The following ERBB4 variants were observed in gnomAD, a reference collection of about 807,000 sequenced individuals.
The protein encoded by ERBB4 is erb-b2 receptor tyrosine kinase 4.
In ERBB4, 42 loss-of-function variants were observed where a neutral mutation model predicts 158.0. The observed-to-expected ratio is 0.27, with a 90% CI of 0.21 to 0.34. The LOEUF (loss-of-function observed/expected upper bound fraction) is 0.34. Ranked by LOEUF, ERBB4 falls within the 10% of genes least tolerant of loss-of-function variation. ERBB4 has a pLI of 1.00. For synonymous variants in ERBB4, 583 were observed against 558.7 expected, an observed-to-expected ratio of 1.04 and a Z score of -0.61; for missense variants, 1,333 against 1,624.1, an observed-to-expected ratio of 0.82 and a Z score of 3.08.
At chr2:212,055,335 G>A (rs1022530325) in intron 2 of ERBB4, among the ~76,000 whole-genome samples, 6 of 152,216 alleles carry the variant, frequency 3.9e-5, no homozygotes, top group African/African-American at 7.2e-5. Context: ...ACAGCTGAAT[G>A]AGGCCTCCGT....
intron 19 of ERBB4, among the ~76,000 whole-genome samples, chr2:211,585,901 G>GA (rs949905294): frequency 6.6e-6 from 1 of 152,046 alleles, no homozygotes; most frequent in African/African-American, 2.4e-5. Flanking sequence ...AATCTTTGAA[G>GA]AAAATAATTA....
At chr2:212,181,231 TTATATTAATC>T (rs1344234677) in intron 1 of ERBB4, among the ~76,000 whole-genome samples, 1 of 151,734 alleles carries the variant, frequency 6.6e-6, no homozygotes, top group Non-Finnish European at 1.5e-5. Flanking sequence ...AACCTTGGTT[TTATATTAATC>T]TTTTCTATTT....
intron 1 of ERBB4, among the ~76,000 whole-genome samples, chr2:212,427,567 A>T (rs1345679494): frequency 2.6e-5 from 4 of 152,162 alleles, no homozygotes; most frequent in Admixed American, 6.6e-5. Context: ...TGGGAAAAAC[A>T]CAATAAAAAT....
chr2:212,319,348 G>A (rs141788834), intron 1 of ERBB4, among the ~76,000 whole-genome samples: 1 of 143,984 alleles, frequency 6.9e-6, no homozygotes, highest in South Asian at 2.3e-4. Flanking sequence ...CCTGGGTTTA[G>A]TTTAACTGTT....
At chr2:211,462,971 GT>G (rs1475726338) in intron 20 of ERBB4, among the ~76,000 whole-genome samples, 1 of 152,104 alleles carries the variant, frequency 6.6e-6, no homozygotes, top group Non-Finnish European at 1.5e-5. Flanking sequence ...AAAGCAGTTT[GT>G]TGCTCTTTAG....
chr2:211,949,413 AG>A (rs1255087833), intron 2 of ERBB4, among the ~76,000 whole-genome samples: 2 of 152,220 alleles, frequency 1.3e-5, no homozygotes, highest in Non-Finnish European at 2.9e-5. Context: ...ACTGAAGTGT[AG>A]CTGGCATAAA....
chr2:212,382,437 T>C (rs2090536124), intron 1 of ERBB4, among the ~76,000 whole-genome samples: 2 of 150,974 alleles, frequency 1.3e-5, no homozygotes, highest in Admixed American at 6.6e-5. Context: ...CTTTATAATA[T>C]GACAATATGT....
At chr2:211,637,102 C>A (rs1398129060) in intron 16 of ERBB4, among the ~76,000 whole-genome samples, 1 of 151,858 alleles carries the variant, frequency 6.6e-6, no homozygotes, top group South Asian at 2.1e-4. Flanking sequence ...AATTAGGTAA[C>A]ATTGGCCATC....
intron 2 of ERBB4, among the ~76,000 whole-genome samples, chr2:211,984,966 C>A (rs1030942): frequency 0.68 from 103,492 of 151,990 alleles, 38,579 homozygotes; most frequent in Non-Finnish European, 0.85. Context: ...TCCTGACCTC[C>A]GGTGATCCAC....
intron 16 of ERBB4, among the ~76,000 whole-genome samples, chr2:211,644,421 A>C (rs1313377952): frequency 6.6e-6 from 1 of 150,758 alleles, no homozygotes; most frequent in Non-Finnish European, 1.5e-5. Context: ...AGATGCTCTG[A>C]ATACAGATTC....
intron 16 of ERBB4, among the ~76,000 whole-genome samples, chr2:211,656,526 A>G (rs769233739): frequency 1.2e-4 from 19 of 152,226 alleles, no homozygotes; most frequent in Admixed American, 5.2e-4. Flanking sequence ...TAAAACATAC[A>G]GTTCTATAAT....
At chr2:211,739,681 G>T (rs986739262) in intron 5 of ERBB4, among the ~76,000 whole-genome samples, 7 of 152,256 alleles carry the variant, frequency 4.6e-5, no homozygotes, top group African/African-American at 1.4e-4. Flanking sequence ...ATTTTGACCA[G>T]GATGGTCTCG....
At chr2:211,424,717 T>C (rs149580523) in intron 22 of ERBB4, among the ~76,000 whole-genome samples, 1,630 of 152,254 alleles carry the variant, frequency 0.011, 28 homozygotes, top group African/African-American at 0.036. Flanking sequence ...TATTGACTAA[T>C]TTTAAGATCA....
At chr2:212,295,638 A>T (rs536273874) in intron 1 of ERBB4, among the ~76,000 whole-genome samples, 1 of 152,152 alleles carries the variant, frequency 6.6e-6, no homozygotes, top group African/African-American at 2.4e-5. Context: ...GTTGCTTACT[A>T]GTTCTATGGT....
chr2:211,759,960 T>A (rs2075369980), intron 4 of ERBB4, among the ~76,000 whole-genome samples: 1 of 152,172 alleles, frequency 6.6e-6, no homozygotes, highest in African/African-American at 2.4e-5. Context: ...CTTTGGTAGA[T>A]TTACCTTCCG....
At chr2:211,433,836 C>A (rs763215402) in intron 20 of ERBB4, among the ~76,000 whole-genome samples, 23 of 152,154 alleles carry the variant, frequency 1.5e-4, no homozygotes, top group South Asian at 6.2e-4. Flanking sequence ...TAGCTGAGAC[C>A]AACTGTACCC....
chr2:212,276,371 G>A (rs2085536140), intron 1 of ERBB4, among the ~76,000 whole-genome samples: 2 of 151,700 alleles, frequency 1.3e-5, no homozygotes, highest in Admixed American at 6.6e-5. Flanking sequence ...TAAACCCAGG[G>A]CTGTGAACTG....
At chr2:212,028,897 G>A (rs1347690450) in intron 2 of ERBB4, among the ~76,000 whole-genome samples, 1 of 152,074 alleles carries the variant, frequency 6.6e-6, no homozygotes, top group Non-Finnish European at 1.5e-5. Context: ...TAGAGTTAGT[G>A]AAGTAGGAGG....
At chr2:212,470,542 A>T (rs73063145) in intron 1 of ERBB4, among the ~76,000 whole-genome samples, 5,683 of 152,226 alleles carry the variant, frequency 0.037, 369 homozygotes, top group African/African-American at 0.13. Context: ...GGCAAAGTTA[A>T]GAAGATATGA....
Sources: allele counts gnomAD v4.1 joint callset (sites outside exome capture counted in the v4.1 genomes callset), GRCh38; gene constraint gnomAD v4.1.1; transcripts MANE v1.5; gene names NCBI Gene and HGNC (gene_info 2026-07-23, HGNC 2026-07-21).